PLEKHM3: variants seen among roughly 807,000 people sequenced by gnomAD.
PLEKHM3 encodes the protein pleckstrin homology domain containing M3.
A neutral mutation model predicts 81.8 loss-of-function variants in PLEKHM3; 45 were observed. That is an observed-to-expected ratio of 0.55 (90% CI 0.43 to 0.71). The LOEUF is 0.71. PLEKHM3 is among the 30% of genes least tolerant of loss of function. The pLI, the probability that PLEKHM3 is intolerant of heterozygous loss-of-function variation, is 0.00. For missense variants in PLEKHM3, 788 were observed against 924.3 expected (o/e 0.85, Z 1.91); for synonymous variants, 352 against 356.4 (o/e 0.99, Z 0.14).
At chr2:207,942,949 T>C (rs929677125) in intron 4 of PLEKHM3, among the ~76,000 whole-genome samples, 2 of 152,054 alleles carry the variant, frequency 1.3e-5, no homozygotes, top group Non-Finnish European at 2.9e-5. Flanking sequence ...AAGACAAATA[T>C]CACATATTTT....
Position 208,001,355 on chromosome 2 carries a change from A to C in PLEKHM3, c.285T>G (p.Phe95Leu). Residue 95 changes from phenylalanine to leucine, a missense_variant, in exon 2 of 8, where the codon TTT (phenylalanine) becomes TTG (leucine). Coordinates refer to ENST00000427836, the MANE Select transcript of PLEKHM3 (RefSeq NM_001080475.3). ...AQNVFPAKEQ[F>L]MVQRGTTPDN... ...CTGGGGTTGTCCCTCTCTGGACCAT[A>C]AACTGTTCTTTGGCAGGGAAGACAT... 2 of 1,614,166 alleles carry C rather than the reference A, an allele frequency of 1.2e-6. No individual in the cohort carries two copies. The highest frequency in any genetic ancestry group is 1.7e-6 in the Non-Finnish European group (2 of 1,180,022).
chr2:208,002,432 T>A (rs565061639), intron 1 of PLEKHM3, among the ~76,000 whole-genome samples: 2 of 152,302 alleles, frequency 1.3e-5, no homozygotes, highest in African/African-American at 4.8e-5. Context: ...GCCCTTTTTT[T>A]AAATCCAAAT....
intron 1 of PLEKHM3, among the ~76,000 whole-genome samples, chr2:208,012,867 C>T (rs1692748845): frequency 6.6e-6 from 1 of 152,224 alleles, no homozygotes; most frequent in East Asian, 1.9e-4. Flanking sequence ...TAGAAGTTAG[C>T]TGATTTCTAA....
At chr2:207,860,998 G>GT in intron 7 of PLEKHM3, 107 bp downstream of exon 7, 1 of 1,289,098 alleles carries the variant, frequency 7.8e-7, no homozygotes, top group South Asian at 1.5e-5. Flanking sequence ...CTGATCCAGG[G>GT]TAAGAGACAG....
chr2:207,841,144 C>CT lies in PLEKHM3; in HGVS notation c.2109-12649dup, dbSNP rs2092349008. Among the ~76,000 whole-genome samples, 5 of 151,836 alleles carry CT rather than the reference C, an allele frequency of 3.3e-5. No homozygotes were observed. In the South Asian group the frequency reaches 1.0e-3, roughly 32 times the overall value. On this transcript the variant is annotated intron_variant, in intron 7 of 7. Transcript: ENST00000427836. ...ATTTAAAAGCATTTTGCTTCCATGG[C>CT]TTAGAAAGTCCTTTCACACTTTAAT...
intron 3 of PLEKHM3, among the ~76,000 whole-genome samples, chr2:207,975,732 GA>G (rs1485847662): frequency 2.6e-5 from 4 of 151,458 alleles, no homozygotes; most frequent in Admixed American, 1.3e-4. Flanking sequence ...GAGTAGCTGG[GA>G]TTACAAGCAC....
intron 2 of PLEKHM3, among the ~76,000 whole-genome samples, chr2:207,999,373 G>A (rs969972031): frequency 6.6e-6 from 1 of 152,036 alleles, no homozygotes; most frequent in African/African-American, 2.4e-5. Flanking sequence ...CCAGCTACTT[G>A]GGTGGCTGAA....
chr2:207,821,503 A>G lies in PLEKHM3; in HGVS notation c.*6816T>C, dbSNP rs2105869782. The stretch of plus-strand genomic sequence containing the variant: ...AAACAAAAGGTAAAATCCAAAAAAC[A>G]GAAAGAACACATATATAAGTTAGCA... On this transcript the variant is annotated 3_prime_UTR_variant, in exon 8 of 8. Coordinates refer to ENST00000427836, the MANE Select transcript of PLEKHM3 (RefSeq NM_001080475.3). 1 of 152,336 alleles carries G rather than the reference A, an allele frequency of 6.6e-6. No individual in the cohort carries two copies. The highest frequency in any genetic ancestry group is 6.5e-5 in the Admixed American group (1 of 15,300). The allele number at this position is 152,336 out of a possible 1,614,324, so 9.4% of individuals were successfully genotyped here. A position where few individuals can be genotyped will look rare whatever the true frequency, so the allele number is the denominator to read the frequency against.
At chr2:207,889,667 C>A (rs1687994086) in intron 6 of PLEKHM3, among the ~76,000 whole-genome samples, 1 of 152,064 alleles carries the variant, frequency 6.6e-6, no homozygotes, top group African/African-American at 2.4e-5. Flanking sequence ...TGGAAAGGAG[C>A]AAGAAGCCAC....
At chr2:208,014,600 C>T (rs181372087) in intron 1 of PLEKHM3, among the ~76,000 whole-genome samples, 56 of 152,332 alleles carry the variant, frequency 3.7e-4, no homozygotes, top group African/African-American at 1.2e-3. Context: ...GCTAAGATTG[C>T]GCCACTGCAC....
intron 3 of PLEKHM3, among the ~76,000 whole-genome samples, chr2:207,964,073 G>A (rs553913756): frequency 6.3e-4 from 96 of 151,880 alleles, no homozygotes; most frequent in African/African-American, 2.1e-3. Flanking sequence ...TTAGCCAGGC[G>A]TGGTGGCACA....
intron 7 of PLEKHM3, among the ~76,000 whole-genome samples, chr2:207,830,044 A>G (rs2092276586): frequency 6.6e-6 from 1 of 152,032 alleles, no homozygotes; most frequent in Admixed American, 6.6e-5. Context: ...GGGGAGAAAG[A>G]GAAAGTGTGT....
chr2:207,857,253 T>G (rs1208408205), intron 7 of PLEKHM3, among the ~76,000 whole-genome samples: 2 of 152,236 alleles, frequency 1.3e-5, no homozygotes, highest in African/African-American at 4.8e-5. Context: ...TTGTTACATC[T>G]TTTTGGAGAA....
At chr2:207,980,569 T>A (rs1255144748) in intron 2 of PLEKHM3, among the ~76,000 whole-genome samples, 2 of 152,116 alleles carry the variant, frequency 1.3e-5, no homozygotes, top group Non-Finnish European at 2.9e-5. Flanking sequence ...AATGGCCTTT[T>A]ATTTATTTTT....
Position 207,976,681 on chromosome 2 carries a change from C to G in PLEKHM3, c.1516G>C (p.Gly506Arg), listed in dbSNP as rs776602455. ...SILTTLSLER[G>R]LTAQSFKCAG... The stretch of plus-strand genomic sequence containing the variant: ...CATTTGAAACTCTGAGCAGTGAGTC[C>G]TCGTTCCAAAGACAAAGTCGTCAAA... The change falls in exon 3 of 8, where the codon GGA becomes CGA. Residue 506 changes from glycine to arginine, a missense_variant. Coordinates refer to ENST00000427836, the MANE Select transcript of PLEKHM3 (RefSeq NM_001080475.3). The surrounding 1 kb of genome is among the most constrained non-coding windows in gnomAD (Gnocchi z 4.1). 6.2e-7 allele frequency: 1 copy of G among 1,613,976 alleles called. No homozygotes were observed. Among genetic ancestry groups the G allele is most frequent in the South Asian group, 1.1e-5 (1 of 91,052 alleles).
At chr2:208,000,534 G>T (rs1403360321) in intron 2 of PLEKHM3, among the ~76,000 whole-genome samples, 1 of 152,090 alleles carries the variant, frequency 6.6e-6, no homozygotes, top group Non-Finnish European at 1.5e-5. Flanking sequence ...TCATTACCGA[G>T]TACCTTCTTG....
chr2:207,832,598 C>T (rs1027541214), intron 7 of PLEKHM3, among the ~76,000 whole-genome samples: 9 of 151,010 alleles, frequency 6.0e-5, no homozygotes, highest in African/African-American at 2.2e-4. Flanking sequence ...TCGAGACCAT[C>T]CTGGTCAAAA....
At chr2:207,876,433 A>G (rs1043373544) in intron 6 of PLEKHM3, among the ~76,000 whole-genome samples, 2 of 152,196 alleles carry the variant, frequency 1.3e-5, no homozygotes, top group Non-Finnish European at 2.9e-5. Flanking sequence ...TGTCCCTAAT[A>G]ATATGTTTAT....
intron 2 of PLEKHM3, among the ~76,000 whole-genome samples, chr2:207,998,883 A>C (rs1692203123): frequency 6.6e-6 from 1 of 152,216 alleles, no homozygotes; most frequent in East Asian, 1.9e-4. Flanking sequence ...CCAAAAAGCT[A>C]CTGAGGTTAT....
Sources: gnomAD v4.1 joint callset for allele counts (sites outside exome capture counted in the v4.1 genomes callset) on GRCh38, gnomAD v4.1.1 for gene constraint, Gnocchi (gnomAD v3.1) non-coding constraint, MANE v1.5 for transcripts, NCBI Gene and HGNC (gene_info 2026-07-23, HGNC 2026-07-21) for gene names.